The following DACH2 variants were observed in gnomAD, a reference collection of about 807,000 sequenced individuals.
DACH2 encodes the protein dachshund homolog 2.
In DACH2, 17 loss-of-function variants were observed where a neutral mutation model predicts 35.8. The ratio of observed to expected loss-of-function variants is 0.48; its 90% CI spans 0.33 to 0.71. The LOEUF is 0.71. DACH2 is among the 30% of genes least tolerant of loss of function. The pLI is 0.02. For synonymous variants in DACH2, 195 were observed against 177.3 expected (o/e 1.10, Z -0.79); for missense variants, 469 against 472.7 (o/e 0.99, Z 0.07).
At chrX:86,777,446 G>A (rs990506992) in intron 7 of DACH2, among the ~76,000 whole-genome samples, 1 of 111,159 alleles carries the variant, frequency 9.0e-6, no homozygotes, top group South Asian at 3.8e-4. Flanking sequence ...CAGGGAGAAA[G>A]GAAGCTTACC....
At chrX:86,369,409 A>G (rs1255550975) in intron 1 of DACH2, among the ~76,000 whole-genome samples, 1 of 111,069 alleles carries the variant, frequency 9.0e-6, no homozygotes, top group Non-Finnish European at 1.9e-5. Flanking sequence ...GATTTAATGG[A>G]CTTTCAAATC....
chrX:86,254,708 G>A (rs1378901297), intron 1 of DACH2, among the ~76,000 whole-genome samples: 3 of 94,673 alleles, frequency 3.2e-5, no homozygotes, highest in African/African-American at 1.2e-4. Flanking sequence ...CATAAGAAAG[G>A]GAAAGGGAAA....
At chrX:86,326,557 A>T (rs1261917930) in intron 1 of DACH2, among the ~76,000 whole-genome samples, 1 of 109,915 alleles carries the variant, frequency 9.1e-6, no homozygotes, top group Non-Finnish European at 1.9e-5. Flanking sequence ...TTTTGGATTC[A>T]GCAGGGTATA....
chrX:86,251,009 G>A (rs1261085811), intron 1 of DACH2, among the ~76,000 whole-genome samples: 1 of 111,222 alleles, frequency 9.0e-6, no homozygotes, highest in African/African-American at 3.3e-5. Flanking sequence ...GAGGTTTCCA[G>A]TTTCAAAAAG....
At chrX:86,422,635 T>G (rs1287089286) in intron 2 of DACH2, among the ~76,000 whole-genome samples, 1 of 110,948 alleles carries the variant, frequency 9.0e-6, no homozygotes, top group Non-Finnish European at 1.9e-5. Context: ...GGATAATGGG[T>G]TATCTATTCT....
intron 4 of DACH2, among the ~76,000 whole-genome samples, chrX:86,666,468 AAG>A (rs1397332001): frequency 8.9e-6 from 1 of 111,807 alleles, no homozygotes; most frequent in African/African-American, 3.3e-5. Flanking sequence ...GAGGAAAAAT[AAG>A]AGGGTGAAAT....
intron 2 of DACH2, among the ~76,000 whole-genome samples, chrX:86,479,467 A>C (rs1052677651): frequency 9.0e-6 from 1 of 111,277 alleles, no homozygotes. Context: ...TTTTGGGGTT[A>C]AAACTGCTTG....
At chrX:86,658,979 CT>C (rs1393056386) in intron 4 of DACH2, among the ~76,000 whole-genome samples, 1 of 110,972 alleles carries the variant, frequency 9.0e-6, no homozygotes, top group African/African-American at 3.3e-5. Context: ...AGTACTTTAC[CT>C]TTTGGAAAAT....
In DACH2 at chrX:86,573,732, T is replaced by C. The variant is rs1303370993; in HGVS notation, c.640+59341T>C. Among the ~76,000 whole-genome samples the C allele has an allele frequency of 2.7e-5, 3 of 111,898 alleles. No homozygotes were observed. The East Asian group carries it at 8.5e-4, about 32-fold the overall frequency. On this transcript the variant is annotated intron_variant, in intron 3 of 11. Coordinates refer to ENST00000373125, the MANE Select transcript of DACH2 (RefSeq NM_053281.3). ...GTACTTACAAATATAAAGCAAATACTGTGTGCCATTCTATGTGCCTAATTC... is the reference window on the plus strand; with the variant it reads ...GTACTTACAAATATAAAGCAAATACCGTGTGCCATTCTATGTGCCTAATTC...
intron 7 of DACH2, among the ~76,000 whole-genome samples, chrX:86,765,800 ATT>A (rs745985544): frequency 1.3e-5 from 1 of 75,735 alleles, no homozygotes; most frequent in African/African-American, 4.9e-5. Flanking sequence ...TAAAAATGGC[ATT>A]TTTTTTTATA....
intron 2 of DACH2, among the ~76,000 whole-genome samples, chrX:86,425,794 A>C (rs932238845): frequency 2.7e-5 from 3 of 110,992 alleles, no homozygotes; most frequent in Non-Finnish European, 5.7e-5. Context: ...ATGATGAACT[A>C]GGGTTAGGTG....
intron 2 of DACH2, among the ~76,000 whole-genome samples, chrX:86,494,965 T>C (rs887365394): frequency 4.4e-5 from 5 of 112,565 alleles, no homozygotes; most frequent in Admixed American, 9.4e-5. Context: ...ACAAGTTTTG[T>C]TTAACCCAAT....
chrX:86,294,795 C>T (rs1028124762), intron 1 of DACH2, among the ~76,000 whole-genome samples: 14 of 108,821 alleles, frequency 1.3e-4, no homozygotes, highest in South Asian at 1.2e-3. Flanking sequence ...TCTCCAGCTG[C>T]GTGCTGGGAG....
chrX:86,763,676 T>G (rs1474892637), intron 7 of DACH2, among the ~76,000 whole-genome samples: 4 of 111,150 alleles, frequency 3.6e-5, no homozygotes, highest in Non-Finnish European at 7.5e-5. Flanking sequence ...ATGGTCTCGA[T>G]CTCCTGACCT....
intron 1 of DACH2, among the ~76,000 whole-genome samples, chrX:86,372,084 C>T (rs1031103854): frequency 8.1e-5 from 9 of 110,814 alleles, no homozygotes; most frequent in Admixed American, 4.8e-4. Flanking sequence ...ACATTTTTAT[C>T]GATCTTTTCG....
chrX:86,253,680 T>C (rs1393127348), intron 1 of DACH2, among the ~76,000 whole-genome samples: 2 of 111,621 alleles, frequency 1.8e-5, no homozygotes, highest in Non-Finnish European at 3.8e-5. Flanking sequence ...GTTATTTGTG[T>C]CTGAAAAATT....
At chrX:86,731,643 AT>A (rs1386221743) in intron 6 of DACH2, among the ~76,000 whole-genome samples, 1 of 112,170 alleles carries the variant, frequency 8.9e-6, no homozygotes, top group Non-Finnish European at 1.9e-5. Flanking sequence ...GCTTAATTGC[AT>A]TTGGATCATT....
chrX:86,191,208 C>A (rs1353815277), intron 1 of DACH2, among the ~76,000 whole-genome samples: 1 of 111,494 alleles, frequency 9.0e-6, no homozygotes, highest in Non-Finnish European at 1.9e-5. Context: ...TTCATAATAG[C>A]AAAGATACAG....
chrX:86,337,896 A>T (rs766080333), intron 1 of DACH2, among the ~76,000 whole-genome samples: 1 of 108,829 alleles, frequency 9.2e-6, no homozygotes, highest in African/African-American at 3.5e-5. Flanking sequence ...AATCAAAAAA[A>T]ATCAGGGGTT....
Sources: allele counts gnomAD v4.1 joint callset (sites outside exome capture counted in the v4.1 genomes callset), GRCh38; gene constraint gnomAD v4.1.1; transcripts MANE v1.5; gene names NCBI Gene and HGNC (gene_info 2026-07-23, HGNC 2026-07-21).